The following ANK3 variants were observed in gnomAD, a reference collection of about 807,000 sequenced individuals.
ANK3 encodes the protein ankyrin-3.
In ANK3, 57 loss-of-function variants were observed where a neutral mutation model predicts 370.9. The observed-to-expected ratio is 0.15, with a 90% CI of 0.12 to 0.19. The LOEUF (loss-of-function observed/expected upper bound fraction) is 0.19, where lower values mean the gene tolerates loss of function less well. Ranked by LOEUF, ANK3 falls within the 10% of genes least tolerant of loss-of-function variation. ANK3 has a pLI of 1.00. For missense variants in ANK3, 4,439 were observed against 5,302.1 expected (o/e 0.84, Z 5.06); for synonymous variants, 1,929 against 1,946.3 (o/e 0.99, Z 0.23).
At chr10:60,617,221 G>C (rs531672627) in intron 1 of ANK3, among the ~76,000 whole-genome samples, 1 of 152,130 alleles carries the variant, frequency 6.6e-6, no homozygotes, top group Non-Finnish European at 1.5e-5. Context: ...GGGCTTCTAT[G>C]CTTAGAAAGT....
At chr10:60,690,417 C>T (rs980827909) in intron 1 of ANK3, among the ~76,000 whole-genome samples, 14 of 152,058 alleles carry the variant, frequency 9.2e-5, no homozygotes, top group Admixed American at 1.3e-4. Flanking sequence ...TCTTAGCAAA[C>T]GGTATAAGGA....
rs186051700 is a variant in ANK3 at position 60,072,289 on chromosome 10, C to T, written c.8592G>A (p.Lys2864=). The T allele has an allele frequency of 3.7e-6, 6 of 1,613,998 alleles. No individual in the cohort carries two copies. In the Admixed American group the frequency reaches 1.0e-4, roughly 27 times the overall value. The change falls in exon 37 of 44, where the codon AAG becomes AAA. Residue 2864 remains lysine (K), a synonymous_variant. Coordinates refer to ENST00000280772, the MANE Select transcript of ANK3 (RefSeq NM_020987.5). The part of the protein sequence containing the change: ...TWESSGATNN[K]SQKEKLSHVL... ...CATGCGAAAGTTTTTCTTTCTGAGA[C>T]TTATTGTTAGTGGCTCCCGAACTCT...
chr10:60,069,304 A>C lies in ANK3; in HGVS notation c.11577T>G (p.Ile3859Met). Reference protein sequence around the residue: ...EQQKTKELIGIRQKSKLPIKA... With the variant: ...EQQKTKELIGMRQKSKLPIKA... ...TTATGGGAAGTTTGGATTTTTGCCT[A>C]ATCCCTATCAATTCCTTTGTTTTTT... The change falls in exon 37 of 44, where the codon ATT becomes ATG. Residue 3859 changes from isoleucine to methionine, a missense_variant. Around this residue, in one of 13 missense-constraint regions of ANK3, gnomAD observed 496 missense variants for 529.3 expected, o/e 0.94. Transcript: ENST00000280772. The C allele has an allele frequency of 6.2e-7, 1 of 1,614,062 alleles. No homozygotes were observed. Among genetic ancestry groups the C allele is most frequent in the Non-Finnish European group, 8.5e-7 (1 of 1,179,990 alleles).
At chr10:60,600,766 T>C (rs2078050323) in intron 2 of ANK3, among the ~76,000 whole-genome samples, 2 of 152,184 alleles carry the variant, frequency 1.3e-5, no homozygotes, top group Admixed American at 1.3e-4. Flanking sequence ...TAGATATTAA[T>C]GATTTCAAAA....
chr10:60,369,075 G>T (rs1052496083), intron 1 of ANK3, among the ~76,000 whole-genome samples: 2 of 151,812 alleles, frequency 1.3e-5, no homozygotes, highest in African/African-American at 2.4e-5. Context: ...GCATTTGACT[G>T]TATCTAAATT....
chr10:60,477,478 A>G (rs2075097421), intron 2 of ANK3, among the ~76,000 whole-genome samples: 1 of 149,972 alleles, frequency 6.7e-6, no homozygotes, highest in African/African-American at 2.4e-5. Flanking sequence ...GTACAGGTGA[A>G]TGCAAAATAT....
intron 30 of ANK3, 137 bp downstream of exon 30, chr10:60,086,540 T>C: frequency 1.4e-6 from 1 of 721,334 alleles, no homozygotes; most frequent in Non-Finnish European, 2.1e-6. Context: ...GATGGACAAG[T>C]AAAATGTTTT....
At chr10:60,726,393 T>C (rs993648504) in intron 1 of ANK3, among the ~76,000 whole-genome samples, 4 of 152,168 alleles carry the variant, frequency 2.6e-5, no homozygotes, top group African/African-American at 9.7e-5. Context: ...CAAAATGTCA[T>C]AGAAAGTACA....
At chr10:60,182,758 T>C (rs2096232062) in intron 17 of ANK3, among the ~76,000 whole-genome samples, 5 of 152,228 alleles carry the variant, frequency 3.3e-5, no homozygotes, top group African/African-American at 1.2e-4. Flanking sequence ...CTGGGACTTT[T>C]TAATAATGTT....
intron 21 of ANK3, among the ~76,000 whole-genome samples, chr10:60,171,192 T>C (rs374893628): frequency 6.6e-6 from 1 of 152,202 alleles, no homozygotes; most frequent in East Asian, 1.9e-4. Context: ...TTAGACAAAG[T>C]ATAACTTGAA....
At chr10:60,440,686 G>A (rs1186238690) in intron 2 of ANK3, among the ~76,000 whole-genome samples, 1 of 152,270 alleles carries the variant, frequency 6.6e-6, no homozygotes, top group Admixed American at 6.5e-5. Flanking sequence ...AGGATTCACT[G>A]ACCCAGGATC....
At chr10:60,240,306 A>ATATATATTTTTTT (rs11282162) in intron 7 of ANK3, among the ~76,000 whole-genome samples, 6 of 119,772 alleles carry the variant, frequency 5.0e-5, no homozygotes, top group Non-Finnish European at 6.8e-5. Context: ...ATATATATAT[A>ATATATATTTTTTT]TTTTTTTTTC....
intron 1 of ANK3, among the ~76,000 whole-genome samples, chr10:60,299,580 G>T (rs933023151): frequency 6.6e-6 from 1 of 152,122 alleles, no homozygotes; most frequent in Non-Finnish European, 1.5e-5. Flanking sequence ...AGAAACAAGA[G>T]ATCACATGAC....
chr10:60,283,343 C>A (rs1009254875), intron 1 of ANK3, among the ~76,000 whole-genome samples: 2 of 151,912 alleles, frequency 1.3e-5, no homozygotes, highest in African/African-American at 2.4e-5. Flanking sequence ...GTTTTTTTAA[C>A]CTTTTGATAA....
chr10:60,125,589 C>T (rs1184234905), intron 25 of ANK3, among the ~76,000 whole-genome samples: 1 of 152,156 alleles, frequency 6.6e-6, no homozygotes, highest in Non-Finnish European at 1.5e-5. Context: ...AGGCTGGCTA[C>T]CTTCTGCCAC....
Position 60,261,913 on chromosome 10 carries a change from G to T in ANK3, c.744C>A (p.Ile248=), listed in dbSNP as rs149928208. ...GGTTTAACAGCAACGTGGCTACATT[G>T]ATATTTCCATAGTGAGCAGCTATGT... ...PLHIAAHYGN[I]NVATLLLNRA... is the part of the protein sequence containing the mutation. Residue 248 remains isoleucine (I), a synonymous_variant, in exon 7 of 44, where the codon ATC becomes ATA. Transcript: ENST00000280772. 3.7e-6 allele frequency: 6 copies of T among 1,613,972 alleles called. No homozygotes were observed. In the African/African-American group the frequency reaches 5.3e-5, roughly 14 times the overall value.
intron 7 of ANK3, among the ~76,000 whole-genome samples, chr10:60,253,649 T>A (rs776264198): frequency 1.3e-5 from 2 of 152,172 alleles, no homozygotes; most frequent in Non-Finnish European, 2.9e-5. Flanking sequence ...AATGTTAATA[T>A]CACCATGGCA....
At chr10:60,600,022 G>A (rs574528245) in intron 2 of ANK3, among the ~76,000 whole-genome samples, 18 of 151,944 alleles carry the variant, frequency 1.2e-4, no homozygotes, top group Non-Finnish European at 2.1e-4. Flanking sequence ...ACTCCCTTCC[G>A]TCCAGCCTAT....
rs1185997247 is a variant in ANK3, at chr10:60,733,451, CG to C, written c.-133del. 5 of 780,616 alleles carry C rather than the reference CG, an allele frequency of 6.4e-6. No homozygotes were observed. In the African/African-American group the frequency reaches 9.0e-5, roughly 14 times the overall value. 48.4% of individuals were successfully genotyped at this position (780,616 alleles called of 1,614,324 possible). On this transcript the variant is annotated 5_prime_UTR_variant, in exon 1 of 44. Transcript: ENST00000373827. ...GGCTCAGGAACACCAAGCGCGGCCC[CG>C]CGACGCCCGCCCAGCGCGGCCTATC...
Sources: allele counts gnomAD v4.1 joint callset (sites outside exome capture counted in the v4.1 genomes callset), GRCh38; gene constraint gnomAD v4.1.1; regional missense constraint gnomAD v4.1.1; transcripts MANE v1.5; gene names NCBI Gene and HGNC (gene_info 2026-07-23, HGNC 2026-07-21).